Variants in GSTCD observed in about 807,000 individuals in gnomAD.
GSTCD encodes glutathione S-transferase C-terminal domain containing.
GSTCD carries 44 observed loss-of-function variants against 68.3 expected under a neutral mutation model. The observed-to-expected ratio is 0.64, with a 90% CI of 0.51 to 0.83. The LOEUF (loss-of-function observed/expected upper bound fraction) is 0.83, where lower values mean the gene tolerates loss of function less well. GSTCD is among the 40% of genes least tolerant of loss of function. The pLI, the probability that GSTCD is intolerant of heterozygous loss-of-function variation, is 0.00. For synonymous variants in GSTCD, 273 were observed against 255.2 expected (o/e 1.07, Z -0.67); for missense variants, 739 against 735.9 (o/e 1.00, Z -0.05).
At chr4:105,812,160 G>C (rs1016185742) in intron 5 of GSTCD, among the ~76,000 whole-genome samples, 1 of 152,120 alleles carries the variant, frequency 6.6e-6, no homozygotes, top group African/African-American at 2.4e-5. Flanking sequence ...CATCCCACCT[G>C]AGTTTTTCTG....
intron 3 of GSTCD, among the ~76,000 whole-genome samples, chr4:105,724,406 TA>T (rs894203932): frequency 4.9e-4 from 73 of 149,900 alleles, no homozygotes; most frequent in African/African-American, 1.2e-3. Flanking sequence ...TGCTGCTTTA[TA>T]AAAAAAAAAT....
At chr4:105,720,188 TCACACACG>T (rs1732818251) in intron 3 of GSTCD, among the ~76,000 whole-genome samples, 1 of 151,752 alleles carries the variant, frequency 6.6e-6, no homozygotes, top group African/African-American at 2.4e-5. Context: ...ATACACACAC[TCACACACG>T]CACACACGTG....
intron 5 of GSTCD, among the ~76,000 whole-genome samples, chr4:105,788,095 A>G (rs1735532321): frequency 6.6e-6 from 1 of 151,940 alleles, no homozygotes; most frequent in Non-Finnish European, 1.5e-5. Flanking sequence ...ATTAGTGATG[A>G]TAGTGTATAT....
chr4:105,838,107 C>G (rs1578525947), intron 10 of GSTCD, among the ~76,000 whole-genome samples: 1 of 152,160 alleles, frequency 6.6e-6, no homozygotes, highest in Admixed American at 6.5e-5. Flanking sequence ...ACTCTACTTG[C>G]AGTCTAACAA....
rs60712684 is a variant in GSTCD, at chr4:105,726,442, A to G, written c.895-137A>G. 2.1e-3 allele frequency: 1,282 copies of G among 603,460 alleles called. 9 individuals carry two copies. The highest frequency in any genetic ancestry group is 0.02 in the African/African-American group (1,094 of 53,614). The allele number at this position is 603,460 out of a possible 1,614,324, so 37.4% of individuals were successfully genotyped here. ...GTGTTCTAAAACTAGATGGTTGATA[A>G]CTGGATACATTTACTACAACTCATT... is the stretch of plus-strand genomic sequence containing the variant. On this transcript the variant is annotated intron_variant, in intron 3 of 11. Transcript: ENST00000515279.
chr4:105,770,976 A>G (rs772523270), intron 5 of GSTCD, among the ~76,000 whole-genome samples: 15 of 152,156 alleles, frequency 9.9e-5, no homozygotes, highest in Non-Finnish European at 2.2e-4. Flanking sequence ...GAACTAATTT[A>G]TACTCCCATC....
chr4:105,767,911 G>A (rs967237115), intron 5 of GSTCD, among the ~76,000 whole-genome samples: 10 of 136,482 alleles, frequency 7.3e-5, no homozygotes, highest in Non-Finnish European at 1.1e-4. Context: ...TTCTCGAAGT[G>A]TCATCTTGAG....
At chr4:105,823,650 C>T (rs1408248359) in intron 7 of GSTCD, 1 of 153,310 alleles carries the variant, frequency 6.5e-6, no homozygotes, top group Non-Finnish European at 1.4e-5. Context: ...GATTTTGATC[C>T]ATTGCATCAA....
chr4:105,750,547 G>A (rs1287316199), intron 5 of GSTCD, among the ~76,000 whole-genome samples: 1 of 151,970 alleles, frequency 6.6e-6, no homozygotes, highest in African/African-American at 2.4e-5. Context: ...TTGCTGGTAG[G>A]AATTTAAAAT....
intron 5 of GSTCD, among the ~76,000 whole-genome samples, chr4:105,812,451 T>C (rs1722795198): frequency 6.6e-6 from 1 of 152,136 alleles, no homozygotes; most frequent in African/African-American, 2.4e-5. Context: ...TCTTTCCGCC[T>C]CTGCCTCCAA....
chr4:105,730,265 G>A (rs1372629059), intron 5 of GSTCD, among the ~76,000 whole-genome samples: 3 of 152,176 alleles, frequency 2.0e-5, no homozygotes, highest in Admixed American at 2.0e-4. Flanking sequence ...CCCAGTAATG[G>A]GATGGCTGGG....
At position 105,712,582 on chromosome 4, in the gene GSTCD, TGGA is replaced by T. The variant is rs548473201; in HGVS notation, c.-22+3568_-22+3570del. 4 of 152,336 alleles carry T rather than the reference TGGA, an allele frequency of 2.6e-5. No homozygotes were observed. The South Asian group carries it at 8.3e-4, about 32-fold the overall frequency. 9.4% of individuals were successfully genotyped at this position (152,336 alleles called of 1,614,324 possible). A position where few individuals can be genotyped will look rare whatever the true frequency, so the allele number is the denominator to read the frequency against. ...ATGTTTTTAAGGATCACCCTGTTGT[TGGA>T]GAATGGACTGTTTTATGGAAAGTGG... On this transcript the variant is annotated intron_variant, in intron 1 of 11. Coordinates refer to ENST00000515279, the MANE Select transcript of GSTCD (RefSeq NM_001370181.1).
At chr4:105,754,484 TTTTA>T (rs148535531) in intron 5 of GSTCD, among the ~76,000 whole-genome samples, 8,157 of 152,280 alleles carry the variant, frequency 0.054, 247 homozygotes, top group Middle Eastern at 0.14. Flanking sequence ...TTAAATTTAT[TTTTA>T]TGTTGAAATT....
At chr4:105,742,303 A>G (rs1176834802) in intron 5 of GSTCD, among the ~76,000 whole-genome samples, 2 of 152,018 alleles carry the variant, frequency 1.3e-5, no homozygotes, top group East Asian at 3.9e-4. Flanking sequence ...TATATTTACT[A>G]TTTACATGTC....
chr4:105,793,174 G>A (rs919758404), intron 5 of GSTCD, among the ~76,000 whole-genome samples: 4 of 151,788 alleles, frequency 2.6e-5, no homozygotes, highest in South Asian at 2.1e-4. Flanking sequence ...CTAATCAGCC[G>A]CTAGCAATTA....
Position 105,719,426 on chromosome 4 carries a change from G to A in GSTCD, c.793G>A (p.Ala265Thr). ...TNREPSHIRK[A>T]KASDLPPLEH... ...CAGAGAGCCTTCTCACATCAGAAAA[G>A]CAAAAGCCTCCGACCTTCCACCTCT... The change falls in exon 3 of 12, where the codon GCA becomes ACA. Residue 265 changes from alanine (A) to threonine (T), a missense_variant. Ala to Thr is a moderately conservative substitution (Grantham distance 58). Coordinates refer to ENST00000515279, the MANE Select transcript of GSTCD (RefSeq NM_001370181.1). 1 of 1,614,072 alleles carries A rather than the reference G, an allele frequency of 6.2e-7. No homozygotes were observed. Among genetic ancestry groups the A allele is most frequent in the Non-Finnish European group, 8.5e-7 (1 of 1,179,970 alleles).
intron 5 of GSTCD, chr4:105,815,082 A>G (rs1722919747): frequency 6.6e-6 from 1 of 152,244 alleles, no homozygotes; most frequent in Non-Finnish European, 1.5e-5. Flanking sequence ...ATTCTTACAA[A>G]GCCAATATTA....
chr4:105,782,704 C>G (rs1735324940), intron 5 of GSTCD, among the ~76,000 whole-genome samples: 1 of 151,830 alleles, frequency 6.6e-6, no homozygotes, highest in Admixed American at 6.6e-5. Context: ...TGCCTCAGGT[C>G]CCCTAGTAGC....
intron 5 of GSTCD, among the ~76,000 whole-genome samples, chr4:105,801,988 G>A (rs1413238876): frequency 6.6e-6 from 1 of 151,980 alleles, no homozygotes; most frequent in Non-Finnish European, 1.5e-5. Context: ...ACATTTGTAA[G>A]CACACTCTTA....
Sources: allele counts gnomAD v4.1 joint callset (sites outside exome capture counted in the v4.1 genomes callset), GRCh38; gene constraint gnomAD v4.1.1; transcripts MANE v1.5; gene names NCBI Gene and HGNC (gene_info 2026-07-23, HGNC 2026-07-21).